The following APBB2 variants were observed in gnomAD, a reference collection of about 807,000 sequenced individuals.
APBB2 encodes the protein amyloid beta precursor protein binding family B member 2, also known as Fe65-like 1.
In APBB2, 38 loss-of-function variants were observed where a neutral mutation model predicts 82.5. That is an observed-to-expected ratio of 0.46 (90% CI 0.36 to 0.60). The LOEUF is 0.60. Ranked by LOEUF, APBB2 falls within the 20% of genes least tolerant of loss-of-function variation. The probability of loss-of-function intolerance (pLI) is 0.00; values close to 1 mark genes in which losing one functional copy is unlikely to be tolerated. For synonymous variants in APBB2, 341 were observed against 368.2 expected (o/e 0.93, Z 0.85); for missense variants, 772 against 972.3 (o/e 0.79, Z 2.74).
At chr4:41,038,879 G>GT (rs1312542722) in intron 4 of APBB2, among the ~76,000 whole-genome samples, 2 of 152,192 alleles carry the variant, frequency 1.3e-5, no homozygotes, top group East Asian at 1.9e-4. Context: ...TAATAAACAG[G>GT]TATCAGATGC....
chr4:41,202,153 C>T (rs1469378774), intron 1 of APBB2, among the ~76,000 whole-genome samples: 2 of 152,204 alleles, frequency 1.3e-5, no homozygotes, highest in Admixed American at 6.5e-5. Context: ...ATGATCACCA[C>T]CATTCGTCTT....
intron 6 of APBB2, among the ~76,000 whole-genome samples, chr4:40,971,320 T>C (rs543328291): frequency 1.5e-4 from 23 of 152,268 alleles, no homozygotes; most frequent in Admixed American, 1.2e-3. Flanking sequence ...CTTTCATTAA[T>C]TTTTTTACAA....
intron 2 of APBB2, among the ~76,000 whole-genome samples, 164 bp from the exon 3 acceptor site, chr4:41,100,914 A>G (rs930864735): frequency 4.6e-5 from 7 of 152,236 alleles, no homozygotes; most frequent in Non-Finnish European, 8.8e-5. Context: ...TTCATAATAT[A>G]CTAACAAGGC....
chr4:41,131,644 A>G (rs1756013410), intron 2 of APBB2, among the ~76,000 whole-genome samples: 1 of 152,244 alleles, frequency 6.6e-6, no homozygotes, highest in Admixed American at 6.5e-5. Context: ...GCAAAAATAA[A>G]CATTACTGAG....
chr4:41,174,265 C>T (rs570694599), intron 1 of APBB2, among the ~76,000 whole-genome samples: 5 of 152,180 alleles, frequency 3.3e-5, no homozygotes, highest in African/African-American at 9.7e-5. Flanking sequence ...TAATATAATA[C>T]ATACAAGCAT....
intron 6 of APBB2, among the ~76,000 whole-genome samples, chr4:40,967,532 T>C (rs552976928): frequency 1.3e-5 from 2 of 152,296 alleles, no homozygotes; most frequent in Non-Finnish European, 2.9e-5. Flanking sequence ...ACTTGCAGTA[T>C]GCCTGGTCCA....
chr4:40,900,618 C>T (rs772277363), intron 10 of APBB2, among the ~76,000 whole-genome samples: 17 of 151,838 alleles, frequency 1.1e-4, no homozygotes, highest in East Asian at 1.9e-4. Context: ...ACCACGCTCA[C>T]CTAATTTTCT....
At chr4:40,874,708 C>T (rs1372983149) in intron 12 of APBB2, among the ~76,000 whole-genome samples, 1 of 152,070 alleles carries the variant, frequency 6.6e-6, no homozygotes, top group Non-Finnish European at 1.5e-5. Flanking sequence ...GTGTTGACTG[C>T]GGGACAGCTC....
chr4:41,134,346 A>G (rs926797368), intron 2 of APBB2, among the ~76,000 whole-genome samples: 6 of 152,034 alleles, frequency 3.9e-5, no homozygotes, highest in South Asian at 4.1e-4. Flanking sequence ...TTGGGAGGCC[A>G]AGGCGGGCTG....
In APBB2 at chr4:40,816,072, G is replaced by A. The variant is rs780703575; in HGVS notation, c.*20C>T. ...CTAGTCAATCTTCAGGTAAATAGCC[G>A]AGTCCTTTTGCATGTGCAGCTATGG... On this transcript the variant is annotated 3_prime_UTR_variant, in exon 18 of 18. Transcript: ENST00000508593. The A allele has an allele frequency of 6.9e-6, 11 of 1,604,556 alleles. No homozygotes were observed. The highest frequency in any genetic ancestry group is 4.4e-5 in the South Asian group (4 of 90,870).
At chr4:41,040,919 C>T (rs943705888) in intron 4 of APBB2, among the ~76,000 whole-genome samples, 12 of 151,992 alleles carry the variant, frequency 7.9e-5, no homozygotes, top group African/African-American at 2.4e-4. Context: ...CTCGCTCTGT[C>T]GCCCAGGCTG....
intron 2 of APBB2, among the ~76,000 whole-genome samples, chr4:41,108,978 CTCTT>C (rs1450303427): frequency 6.6e-6 from 1 of 152,224 alleles, no homozygotes; most frequent in African/African-American, 2.4e-5. Context: ...AAAATACTCT[CTCTT>C]TTTCTCTGTT....
At chr4:40,887,039 A>G (rs1770515060) in intron 12 of APBB2, among the ~76,000 whole-genome samples, 1 of 152,366 alleles carries the variant, frequency 6.6e-6, no homozygotes, top group Non-Finnish European at 1.5e-5. Context: ...CAAAGCCTTC[A>G]GCATAGTTGT....
intron 10 of APBB2, among the ~76,000 whole-genome samples, chr4:40,933,362 C>T (rs1784675978): frequency 6.6e-6 from 1 of 152,134 alleles, no homozygotes; most frequent in Non-Finnish European, 1.5e-5. Flanking sequence ...TAAATCAAGC[C>T]AGGAACCCTC....
intron 12 of APBB2, among the ~76,000 whole-genome samples, chr4:40,857,850 GC>G (rs1347525883): frequency 6.6e-6 from 1 of 152,134 alleles, no homozygotes; most frequent in Non-Finnish European, 1.5e-5. Context: ...AGGTATTGCA[GC>G]CCACAGCCAG....
At chr4:40,989,538 T>C (rs553411413) in intron 6 of APBB2, among the ~76,000 whole-genome samples, 1 of 152,304 alleles carries the variant, frequency 6.6e-6, no homozygotes, top group African/African-American at 2.4e-5. Context: ...TACATTTTTT[T>C]TTTCCCAAAT....
At chr4:41,144,932 C>A (rs905533171) in intron 1 of APBB2, among the ~76,000 whole-genome samples, 2 of 152,124 alleles carry the variant, frequency 1.3e-5, no homozygotes, top group African/African-American at 2.4e-5. Flanking sequence ...CCAGCCTGGG[C>A]AACAAAGAGA....
intron 4 of APBB2, among the ~76,000 whole-genome samples, chr4:41,048,506 AG>A (rs1278098043): frequency 1.3e-5 from 2 of 152,218 alleles, no homozygotes; most frequent in African/African-American, 4.8e-5. Context: ...CTCATTTTAT[AG>A]ATGTCATAAC....
intron 12 of APBB2, chr4:40,848,802 C>T (rs1758428697): frequency 3.1e-6 from 3 of 958,036 alleles, no homozygotes; most frequent in Admixed American, 6.2e-5. Flanking sequence ...GCTTGCTGAT[C>T]GGCTGCTTGG....
Sources: allele counts gnomAD v4.1 joint callset (sites outside exome capture counted in the v4.1 genomes callset), GRCh38; gene constraint gnomAD v4.1.1; transcripts MANE v1.5; gene names NCBI Gene and HGNC (gene_info 2026-07-23, HGNC 2026-07-21).